PPWD1: variants seen among roughly 807,000 people sequenced by gnomAD.
PPWD1 encodes peptidylprolyl isomerase domain and WD repeat containing 1, also known as peptidylprolyl isomerase domain and WD repeat-containing protein 1.
A neutral mutation model predicts 68.8 loss-of-function variants in PPWD1; 43 were observed. The ratio of observed to expected loss-of-function variants is 0.62; its 90% CI spans 0.49 to 0.81. PPWD1 has a LOEUF of 0.81. Ranked by LOEUF, PPWD1 falls within the 30% of genes least tolerant of loss-of-function variation. The pLI is 0.00. For synonymous variants in PPWD1, 232 were observed against 258.7 expected (o/e 0.90, Z 0.99); for missense variants, 672 against 804.8 (o/e 0.83, Z 2.00).
chr5:65,575,428 C>G (rs948769972), intron 5 of PPWD1, among the ~76,000 whole-genome samples: 65 of 152,196 alleles, frequency 4.3e-4, no homozygotes, highest in Non-Finnish European at 5.6e-4. Context: ...TCTGTAAGAC[C>G]TTGACCTTGT....
intron 2 of PPWD1, 29 bp from the exon 3 acceptor site, chr5:65,569,603 A>G: frequency 6.5e-7 from 1 of 1,541,812 alleles, no homozygotes; most frequent in South Asian, 1.2e-5. Flanking sequence ...CTGTCTTAGA[A>G]ATTAACTTTT....
In PPWD1 at chr5:65,583,238, T is replaced by A; in HGVS notation, c.1532+19T>A. On this transcript the variant is annotated intron_variant, in intron 8 of 10. Transcript: ENST00000261308. Reference sequence around the variant, plus strand: ...CTGTTGAGTATGTATAACAACTGTTTTTATTGGCTTATGTAATTAAGAATG... The same window carrying A: ...CTGTTGAGTATGTATAACAACTGTTATTATTGGCTTATGTAATTAAGAATG... The A allele has an allele frequency of 6.7e-7, 1 of 1,498,186 alleles. No individual in the cohort carries two copies. The highest frequency in any genetic ancestry group is 9.0e-7 in the Non-Finnish European group (1 of 1,115,572). The allele number at this position is 1,498,186 out of a possible 1,614,324, so 92.8% of individuals were successfully genotyped here. A position where few individuals can be genotyped will look rare whatever the true frequency, so the allele number is the denominator to read the frequency against.
intron 1 of PPWD1, among the ~76,000 whole-genome samples, chr5:65,564,393 ATC>A (rs1370108758): frequency 7.2e-6 from 1 of 139,392 alleles, no homozygotes; most frequent in African/African-American, 2.7e-5. Context: ...CAGTGGCGCT[ATC>A]TCGGCTCACC....
chr5:65,583,001 T>C, intron 7 of PPWD1, 37 bp from the exon 8 acceptor site: 1 of 1,469,446 alleles, frequency 6.8e-7, no homozygotes, highest in South Asian at 1.5e-5. Flanking sequence ...GATGAAAACT[T>C]TAATTCGTTG....
intron 1 of PPWD1, among the ~76,000 whole-genome samples, chr5:65,566,717 C>T (rs1156436474): frequency 6.6e-6 from 1 of 151,576 alleles, no homozygotes; most frequent in Non-Finnish European, 1.5e-5. Context: ...TCCTTCCTTC[C>T]CTTCTTTCTC....
intron 10 of PPWD1, among the ~76,000 whole-genome samples, 184 bp downstream of exon 10, chr5:65,586,365 C>A (rs1315278680): frequency 1.3e-5 from 2 of 150,262 alleles, no homozygotes; most frequent in Non-Finnish European, 2.9e-5. Context: ...ATTGGTAAAA[C>A]AATACTGCCA....
At chr5:65,580,950 T>C (rs1406828619) in intron 7 of PPWD1, among the ~76,000 whole-genome samples, 1 of 152,228 alleles carries the variant, frequency 6.6e-6, no homozygotes, top group Admixed American at 6.5e-5. Flanking sequence ...CGCTGTGCTC[T>C]TCTTCTGAAG....
chr5:65,581,485 C>G (rs1753592184), intron 7 of PPWD1, among the ~76,000 whole-genome samples: 1 of 152,126 alleles, frequency 6.6e-6, no homozygotes, highest in African/African-American at 2.4e-5. Context: ...ATGCTGGAAG[C>G]TGATGTGGTA....
intron 5 of PPWD1, chr5:65,576,213 C>G: frequency 1.7e-6 from 1 of 596,216 alleles, no homozygotes; most frequent in African/African-American, 2.0e-5. Context: ...TTACTAGACA[C>G]TTTAAAATTA....
At chr5:65,578,978 G>A (rs1385601712) in intron 6 of PPWD1, among the ~76,000 whole-genome samples, 1 of 151,764 alleles carries the variant, frequency 6.6e-6, no homozygotes, top group Admixed American at 6.6e-5. Context: ...GAGAGCAGTG[G>A]CACGATCTCG....
chr5:65,585,584 A>T (rs1753802267), intron 9 of PPWD1, among the ~76,000 whole-genome samples: 1 of 152,128 alleles, frequency 6.6e-6, no homozygotes. Context: ...CTGGCAGGTC[A>T]GAAACGGCAG....
At chr5:65,574,173 TTGTC>T (rs578192038) in intron 5 of PPWD1, among the ~76,000 whole-genome samples, 36 of 152,306 alleles carry the variant, frequency 2.4e-4, no homozygotes, top group South Asian at 1.0e-3. Flanking sequence ...AATGAGTTGG[TTGTC>T]TGTCTGTCTG....
At chr5:65,573,146 T>A (rs1433771716) in intron 5 of PPWD1, among the ~76,000 whole-genome samples, 1 of 150,494 alleles carries the variant, frequency 6.6e-6, no homozygotes, top group Non-Finnish European at 1.5e-5. Flanking sequence ...GACCTTTTTA[T>A]AAGTTGTTTC....
At position 65,587,390 on chromosome 5, in the gene PPWD1, C is replaced by G. The variant is rs1024899432; in HGVS notation, c.1935C>G (p.Val645=). The G allele has an allele frequency of 8.1e-6, 13 of 1,600,360 alleles. No individual in the cohort carries two copies. Among genetic ancestry groups the G allele is most frequent in the Admixed American group, 1.7e-5 (1 of 58,472 alleles). ...ATGTCAGCATCATAAATATTACTGT[C>G]AAGTAAAATAAGATTTGTTTTAATG... The part of the protein sequence containing the change: ...YEDVSIINIT[V]K Residue 645 remains valine, a synonymous_variant, in exon 11 of 11, where the codon GTC becomes GTG. Coordinates refer to ENST00000261308, the MANE Select transcript of PPWD1 (RefSeq NM_015342.4).
At position 65,583,045 on chromosome 5, in the gene PPWD1, A is replaced by G; in HGVS notation, c.1358A>G (p.Lys453Arg). ...TTTACTTTCCTCCTTGAGTTTACCA[A>G]ACGAGAACCAGAAGATACGAAAAGT... is the stretch of plus-strand genomic sequence containing the variant. ...FKKNRFYMFT[K>R]REPEDTKSAD... Residue 453 changes from lysine (K) to arginine (R), a missense_variant, in exon 8 of 11, where the codon AAA becomes AGA. Physicochemically the swap from Lys to Arg is conservative, Grantham distance 26. Around this residue, in one of 2 missense-constraint regions of PPWD1, gnomAD observed 484 missense variants for 646.2 expected, o/e 0.75. Coordinates refer to ENST00000261308, the MANE Select transcript of PPWD1 (RefSeq NM_015342.4). 8 of 1,574,872 alleles carry G rather than the reference A, an allele frequency of 5.1e-6. No homozygotes were observed. Among genetic ancestry groups the G allele is most frequent in the Non-Finnish European group, 6.9e-6 (8 of 1,160,488 alleles).
Position 65,565,685 on chromosome 5 carries a change from A to G in PPWD1, c.197-1828A>G, listed in dbSNP as rs1752716663. Among the ~76,000 whole-genome samples, 4 of 151,784 alleles carry G rather than the reference A, an allele frequency of 2.6e-5. No homozygotes were observed. In the South Asian group the frequency reaches 6.2e-4, roughly 24 times the overall value. On this transcript the variant is annotated intron_variant, in intron 1 of 10. Coordinates refer to ENST00000261308, the MANE Select transcript of PPWD1 (RefSeq NM_015342.4). Reference sequence around the variant, plus strand: ...TAGCCGGGCGTGGTGGCGCACACCTATAATCTCAGCTATTCAGGAGGCTGA... The same window carrying G: ...TAGCCGGGCGTGGTGGCGCACACCTGTAATCTCAGCTATTCAGGAGGCTGA...
intron 1 of PPWD1, among the ~76,000 whole-genome samples, chr5:65,565,118 A>G (rs926984763): frequency 3.3e-5 from 5 of 152,206 alleles, no homozygotes; most frequent in African/African-American, 1.2e-4. Context: ...CATAGTAACC[A>G]TTTTATTTAT....
intron 2 of PPWD1, chr5:65,568,865 G>T (rs570870496): frequency 2.2e-6 from 1 of 454,392 alleles, no homozygotes; most frequent in Non-Finnish European, 4.4e-6. Flanking sequence ...ATACATATTA[G>T]CATTGCTGTC....
At chr5:65,581,263 C>G (rs1055569455) in intron 7 of PPWD1, among the ~76,000 whole-genome samples, 1 of 151,976 alleles carries the variant, frequency 6.6e-6, no homozygotes, top group African/African-American at 2.4e-5. Context: ...TTTAATTTAA[C>G]TTTGTTAGGA....
Sources: allele counts gnomAD v4.1 joint callset (sites outside exome capture counted in the v4.1 genomes callset), GRCh38; gene constraint gnomAD v4.1.1; regional missense constraint gnomAD v4.1.1; transcripts MANE v1.5; gene names NCBI Gene and HGNC (gene_info 2026-07-23, HGNC 2026-07-21).